ARAP2: variants seen among roughly 807,000 people sequenced by gnomAD.
ARAP2 encodes the protein ArfGAP with RhoGAP domain, ankyrin repeat and PH domain 2.
ARAP2 carries 148 observed loss-of-function variants against 194.5 expected under a neutral mutation model. The observed-to-expected ratio is 0.76, with a 90% CI of 0.67 to 0.87. ARAP2 has a LOEUF of 0.87. ARAP2 is among the 40% of genes least tolerant of loss of function. ARAP2 has a pLI of 0.00. For synonymous variants in ARAP2, 695 were observed against 683.5 expected, an observed-to-expected ratio of 1.02 and a Z score of -0.26; for missense variants, 2,128 against 1,989.7, an observed-to-expected ratio of 1.07 and a Z score of -1.32.
At chr4:36,113,996 A>G (rs1720685399) in intron 26 of ARAP2, among the ~76,000 whole-genome samples, 174 bp downstream of exon 26, 1 of 152,018 alleles carries the variant, frequency 6.6e-6, no homozygotes, top group South Asian at 2.1e-4. Flanking sequence ...TAATATAATT[A>G]TTTTGATGAG....
At chr4:36,015,826 T>C (rs975011060) in intron 7 of ARAP2, 1 of 152,204 alleles carries the variant, frequency 6.6e-6, no homozygotes, top group African/African-American at 2.4e-5. Context: ...GGCAAGAATA[T>C]GTGAAAATAT....
chr4:36,028,565 T>G (rs1283848627), intron 5 of ARAP2, among the ~76,000 whole-genome samples: 1 of 151,924 alleles, frequency 6.6e-6, no homozygotes, highest in African/African-American at 2.4e-5. Context: ...ATTTGTACTT[T>G]TTCATTTTCT....
chr4:36,008,373 C>G (rs1235914910), intron 9 of ARAP2, among the ~76,000 whole-genome samples: 4 of 151,972 alleles, frequency 2.6e-5, no homozygotes, highest in Non-Finnish European at 2.9e-5. Context: ...AATAGAGAAC[C>G]CAGAAATACA....
At chr4:36,186,280 C>T (rs1195903328) in intron 8 of ARAP2, among the ~76,000 whole-genome samples, 1 of 152,082 alleles carries the variant, frequency 6.6e-6, no homozygotes, top group Non-Finnish European at 1.5e-5. Context: ...AAATAAAATA[C>T]ACAACAGAGA....
intron 6 of ARAP2, among the ~76,000 whole-genome samples, chr4:36,200,261 ATT>A (rs796559244): frequency 6.8e-6 from 1 of 147,318 alleles, no homozygotes. Context: ...TTATTTATTT[ATT>A]TTTTTTTTTG....
At chr4:36,163,078 C>T (rs1734461599) in intron 11 of ARAP2, among the ~76,000 whole-genome samples, 1 of 152,070 alleles carries the variant, frequency 6.6e-6, no homozygotes, top group African/African-American at 2.4e-5. Flanking sequence ...TTCTAGTAGG[C>T]ATATAATCAT....
chr4:36,011,455 A>G (rs1714532648), intron 9 of ARAP2, among the ~76,000 whole-genome samples: 1 of 152,172 alleles, frequency 6.6e-6, no homozygotes. Flanking sequence ...TGTAAATTCT[A>G]CAGTAGACAA....
chr4:36,090,545 G>C (rs1005283233), intron 28 of ARAP2, among the ~76,000 whole-genome samples: 4 of 151,990 alleles, frequency 2.6e-5, no homozygotes, highest in Non-Finnish European at 5.9e-5. Flanking sequence ...ACACCAAAAG[G>C]CTTATCCACC....
At chr4:36,023,685 CA>C (rs991801540) in intron 5 of ARAP2, among the ~76,000 whole-genome samples, 9 of 152,134 alleles carry the variant, frequency 5.9e-5, no homozygotes, top group African/African-American at 2.2e-4. Context: ...TGAATTTCAG[CA>C]GTGAACTCGA....
Position 36,091,896 on chromosome 4 carries a change from A to C in ARAP2, c.4410T>G (p.Leu1470=). The change falls in exon 28 of 33, where the codon CTT becomes CTG. Residue 1470 remains leucine, a synonymous_variant. Coordinates refer to ENST00000303965, the MANE Select transcript of ARAP2 (RefSeq NM_015230.4). ...YFVLRDGFLF[L]YKDVKSSKHD... ...AATACTATACCTTCACATCCTTGTA[A>C]AGAAAGAGAAACCCATCTCGTAAAA... is the stretch of plus-strand genomic sequence containing the variant. The C allele has an allele frequency of 6.2e-7, 1 of 1,604,588 alleles. No individual in the cohort carries two copies. The highest frequency in any genetic ancestry group is 1.1e-5 in the South Asian group (1 of 90,334).
At chr4:36,096,374 A>AAAAAAAAAAAAAAAG (rs796310005) in intron 27 of ARAP2, among the ~76,000 whole-genome samples, 12 of 142,074 alleles carry the variant, frequency 8.4e-5, no homozygotes, top group African/African-American at 2.6e-4. Flanking sequence ...AAAAAAAAAA[A>AAAAAAAAAAAAAAAG]AAAAAAGAAA....
chr4:36,144,265 G>A (rs1006744251), intron 19 of ARAP2, among the ~76,000 whole-genome samples: 5 of 151,828 alleles, frequency 3.3e-5, no homozygotes, highest in Non-Finnish European at 7.4e-5. Flanking sequence ...AAGAACATAA[G>A]CTCTGAGGGG....
At chr4:36,051,295 A>G (rs898488615) in intron 3 of ARAP2, among the ~76,000 whole-genome samples, 1 of 152,130 alleles carries the variant, frequency 6.6e-6, no homozygotes, top group Non-Finnish European at 1.5e-5. Flanking sequence ...CCTGGCCAAC[A>G]TGGTGAAACC....
At chr4:36,237,968 T>C (rs1220725387) in intron 1 of ARAP2, among the ~76,000 whole-genome samples, 3 of 152,222 alleles carry the variant, frequency 2.0e-5, no homozygotes, top group East Asian at 3.8e-4. Flanking sequence ...TCCCACAGTA[T>C]AGAGCAGACT....
intron 2 of ARAP2, among the ~76,000 whole-genome samples, chr4:36,055,727 C>A (rs1723397573): frequency 6.6e-6 from 1 of 152,168 alleles, no homozygotes; most frequent in South Asian, 2.1e-4. Flanking sequence ...CCATGACAAG[C>A]TAATTTTTGT....
rs542149804 is a variant in ARAP2 at position 36,213,605 on chromosome 4, A to G, written c.965-286T>C. Among the ~76,000 whole-genome samples the G allele has an allele frequency of 3.3e-5, 5 of 152,200 alleles. 1 individual carries two copies. In the South Asian group the frequency reaches 1.0e-3, roughly 32 times the overall value. On this transcript the variant is annotated intron_variant, in intron 3 of 32. Coordinates refer to ENST00000303965, the MANE Select transcript of ARAP2 (RefSeq NM_015230.4). The stretch of plus-strand genomic sequence containing the variant: ...CCCAACCTCTAGGATCCACATTAAC[A>G]TAACCAAATACATTGCCCACATACA...
chr4:36,148,504 G>A lies in ARAP2; in HGVS notation c.2901C>T (p.Pro967=), dbSNP rs778559930. Residue 967 remains proline, a synonymous_variant, in exon 17 of 33, where the codon CCC becomes CCT. Coordinates refer to ENST00000303965, the MANE Select transcript of ARAP2 (RefSeq NM_015230.4). The part of the protein sequence containing the change: ...HKEDFYLNTG[P]IFIFEIYLPS... ...GTAAGTAGATCTCAAAGATAAAGAT[G>A]GGCCTAAAACATGCACAAATAAAAA... 3 of 1,610,962 alleles carry A rather than the reference G, an allele frequency of 1.9e-6. No homozygotes were observed. Among genetic ancestry groups the A allele is most frequent in the Non-Finnish European group, 2.5e-6 (3 of 1,177,818 alleles).
chr4:36,109,521 T>A (rs917301389), intron 26 of ARAP2, among the ~76,000 whole-genome samples: 2 of 151,930 alleles, frequency 1.3e-5, no homozygotes, highest in Admixed American at 1.3e-4. Context: ...AAATCTTTTG[T>A]GCTATGTCAA....
chr4:36,036,698 A>C (rs1719986034), intron 5 of ARAP2, among the ~76,000 whole-genome samples: 1 of 152,130 alleles, frequency 6.6e-6, no homozygotes, highest in East Asian at 1.9e-4. Flanking sequence ...TAAAATTTTA[A>C]AGTGACTAAA....
Sources: gnomAD v4.1 joint callset for allele counts (sites outside exome capture counted in the v4.1 genomes callset) on GRCh38, gnomAD v4.1.1 for gene constraint, MANE v1.5 for transcripts, NCBI Gene and HGNC (gene_info 2026-07-23, HGNC 2026-07-21) for gene names.